Variants in G2E3 observed in about 807,000 individuals in gnomAD.
G2E3 encodes G2/M-phase specific E3 ubiquitin protein ligase.
A neutral mutation model predicts 92.8 loss-of-function variants in G2E3; 35 were observed. The observed-to-expected ratio is 0.38, with a 90% CI of 0.29 to 0.50. The LOEUF is 0.50. Ranked by LOEUF, G2E3 falls within the 20% of genes least tolerant of loss-of-function variation. G2E3 has a pLI of 0.94. For missense variants in G2E3, 554 were observed against 823.8 expected (o/e 0.67, Z 4.01); for synonymous variants, 242 against 272.4 (o/e 0.89, Z 1.10).
intron 6 of G2E3, 63 bp from the exon 7 acceptor site, chr14:30,597,352 GTTACA>G: frequency 2.4e-6 from 2 of 817,704 alleles, no homozygotes; most frequent in Non-Finnish European, 4.3e-6. Flanking sequence ...CACATGTTCT[GTTACA>G]TAATATATCA....
intron 1 of G2E3, among the ~76,000 whole-genome samples, chr14:30,570,611 G>A (rs1382084073): frequency 6.6e-6 from 1 of 151,946 alleles, no homozygotes; most frequent in African/African-American, 2.4e-5. Context: ...CTGCTCAAAC[G>A]TGCTGTTAAA....
rs764355915 is a variant in G2E3 at position 30,602,016 on chromosome 14, A to G, written c.895A>G (p.Lys299Glu). 1 of 1,611,050 alleles carries G rather than the reference A, an allele frequency of 6.2e-7. No homozygotes were observed. Among genetic ancestry groups the G allele is most frequent in the Admixed American group, 1.7e-5 (1 of 59,686 alleles). The change falls in exon 10 of 15, where the codon AAA (lysine) becomes GAA (glutamate). Residue 299 changes from lysine to glutamate, a missense_variant. Physicochemically the swap from Lys to Glu is moderately conservative, Grantham distance 56 (BLOSUM62 1). Transcript: ENST00000206595. ...ATCTGTAGGAGAGTTCCAAAAAGCC[A>G]AAAAACATGTATTACCCAATTCTAA... ...IYNSGEFQKA[K>E]KHVLPNSNNV...
intron 8 of G2E3, 111 bp from the exon 9 acceptor site, chr14:30,601,659 G>A: frequency 1.0e-6 from 1 of 959,530 alleles, no homozygotes; most frequent in South Asian, 1.4e-5. Flanking sequence ...TAAATCGATT[G>A]GGCGGGTGTG....
chr14:30,609,335 C>G (rs562540045), intron 12 of G2E3, among the ~76,000 whole-genome samples: 1 of 152,284 alleles, frequency 6.6e-6, no homozygotes, highest in South Asian at 2.1e-4. Context: ...CTCAAGTTAG[C>G]TAGTTCATAG....
intron 1 of G2E3, chr14:30,560,186 C>T (rs980694184): frequency 1.3e-5 from 2 of 151,708 alleles, no homozygotes; most frequent in African/African-American, 4.8e-5. Context: ...AAAGTCATGC[C>T]TTCTGGAATG....
intron 1 of G2E3, among the ~76,000 whole-genome samples, chr14:30,576,500 A>G (rs1315036882): frequency 1.3e-5 from 2 of 152,246 alleles, no homozygotes; most frequent in African/African-American, 2.4e-5. Flanking sequence ...CAATCGCAAC[A>G]AAAGCAAAAA....
At chr14:30,562,026 C>T (rs1174224513) in intron 1 of G2E3, among the ~76,000 whole-genome samples, 1 of 152,122 alleles carries the variant, frequency 6.6e-6, no homozygotes, top group Non-Finnish European at 1.5e-5. Flanking sequence ...TGTTAATATT[C>T]ATGAATTTAA....
intron 13 of G2E3, among the ~76,000 whole-genome samples, chr14:30,613,806 T>A (rs1882197901): frequency 6.6e-6 from 1 of 152,134 alleles, no homozygotes; most frequent in Non-Finnish European, 1.5e-5. Flanking sequence ...ATTTTCTTTG[T>A]CCTGTGTTGA....
chr14:30,612,514 A>G (rs1443551371), intron 13 of G2E3, 135 bp downstream of exon 13: 1 of 602,604 alleles, frequency 1.7e-6, no homozygotes, highest in African/African-American at 1.9e-5. Context: ...ATTTTTAAAT[A>G]ATAACTTAAG....
intron 1 of G2E3, chr14:30,560,914 A>G (rs1326866646): frequency 3.4e-5 from 22 of 650,438 alleles, no homozygotes; most frequent in South Asian, 1.6e-4. Context: ...TGTGTTGATT[A>G]AAGACATGGA....
At chr14:30,562,320 A>G (rs1490222368) in intron 1 of G2E3, among the ~76,000 whole-genome samples, 9 of 152,104 alleles carry the variant, frequency 5.9e-5, no homozygotes. Flanking sequence ...GTTTGTAGCA[A>G]TTACTCTTTA....
chr14:30,606,311 A>G (rs529728844), intron 11 of G2E3, among the ~76,000 whole-genome samples: 2 of 152,184 alleles, frequency 1.3e-5, no homozygotes, highest in African/African-American at 4.8e-5. Flanking sequence ...AGGTAATTAT[A>G]ACAGGCATCT....
intron 2 of G2E3, among the ~76,000 whole-genome samples, chr14:30,582,787 C>T (rs1439378282): frequency 6.6e-6 from 1 of 152,122 alleles, no homozygotes; most frequent in African/African-American, 2.4e-5. Flanking sequence ...AGGAGAGATA[C>T]TTCGAGTTAT....
chr14:30,604,619 C>T (rs1053159413), intron 10 of G2E3, among the ~76,000 whole-genome samples: 2 of 152,170 alleles, frequency 1.3e-5, no homozygotes, highest in African/African-American at 4.8e-5. Context: ...TGGGAGCACA[C>T]TTTGTGACTT....
intron 1 of G2E3, among the ~76,000 whole-genome samples, chr14:30,565,127 T>A (rs1413804245): frequency 6.6e-6 from 1 of 152,216 alleles, no homozygotes; most frequent in South Asian, 2.1e-4. Context: ...ATATCATCAT[T>A]AACACTTACT....
At chr14:30,590,514 G>T in intron 4 of G2E3, 1 of 373,070 alleles carries the variant, frequency 2.7e-6, no homozygotes, top group South Asian at 2.1e-5. Flanking sequence ...CCCTGTCCAT[G>T]TCCCACCCCA....
chr14:30,597,202 CTAAGTATTAATTAGCTT>C (rs535379688), intron 6 of G2E3, among the ~76,000 whole-genome samples: 18 of 151,792 alleles, frequency 1.2e-4, no homozygotes, highest in African/African-American at 4.1e-4. Flanking sequence ...TGATGTAAAG[CTAAGTATTAATTAGCTT>C]TTTTTTTAAC....
At chr14:30,564,881 T>G (rs1333586827) in intron 1 of G2E3, among the ~76,000 whole-genome samples, 1 of 152,232 alleles carries the variant, frequency 6.6e-6, no homozygotes, top group Non-Finnish European at 1.5e-5. Context: ...ATAATTAGGT[T>G]GTTTCTTTGT....
At chr14:30,604,804 T>A (rs976273234) in intron 10 of G2E3, among the ~76,000 whole-genome samples, 1 of 152,174 alleles carries the variant, frequency 6.6e-6, no homozygotes, top group South Asian at 2.1e-4. Context: ...ACATAGTAAA[T>A]GTGAAGTAAA....
Sources: allele counts gnomAD v4.1 joint callset (sites outside exome capture counted in the v4.1 genomes callset), GRCh38; gene constraint gnomAD v4.1.1; transcripts MANE v1.5; gene names NCBI Gene and HGNC (gene_info 2026-07-23, HGNC 2026-07-21).